TPD52: variants seen among roughly 807,000 people sequenced by gnomAD.
TPD52 encodes tumor protein D52, also known as prostate and colon associated protein.
A neutral mutation model predicts 31.3 loss-of-function variants in TPD52; 17 were observed. The observed-to-expected ratio is 0.54, with a 90% CI of 0.37 to 0.82. The LOEUF (loss-of-function observed/expected upper bound fraction) is 0.82, where lower values mean the gene tolerates loss of function less well. Among genes scored for constraint, TPD52 ranks in the 40% least tolerant of loss-of-function variants. TPD52 has a pLI of 0.00. For missense variants in TPD52, 212 were observed against 240.1 expected (o/e 0.88, Z 0.77); for synonymous variants, 83 against 89.6 (o/e 0.93, Z 0.42).
intron 1 of TPD52, among the ~76,000 whole-genome samples, chr8:80,081,167 T>C (rs1233826044): frequency 6.7e-6 from 1 of 149,222 alleles, no homozygotes; most frequent in Non-Finnish European, 1.5e-5. Flanking sequence ...TTTTTTTTTT[T>C]TTTTTTTTTT....
At chr8:80,171,020 C>T in intron 1 of TPD52, 1 of 452,980 alleles carries the variant, frequency 2.2e-6, no homozygotes, top group Non-Finnish European at 4.1e-6. Context: ...GGGTTTCCCA[C>T]CTGGAGGGAC....
intron 1 of TPD52, among the ~76,000 whole-genome samples, chr8:80,131,758 CT>C (rs1239785082): frequency 6.6e-6 from 1 of 152,192 alleles, no homozygotes; most frequent in African/African-American, 2.4e-5. Context: ...CCACACACCC[CT>C]TTACAGGTGC....
intron 1 of TPD52, among the ~76,000 whole-genome samples, chr8:80,124,916 C>T (rs1808499393): frequency 6.6e-6 from 1 of 152,172 alleles, no homozygotes; most frequent in African/African-American, 2.4e-5. Context: ...CCCATATATG[C>T]ACAACCTCCC....
rs1260889588 is a variant in TPD52 at position 80,042,743 on chromosome 8, G to T, written c.456-75C>A. Reference sequence around the variant, plus strand: ...ATCCAACTAGTTTGAAAATATAATTGATTCCTCTTCAACATTATTCTCAAT... The same window carrying T: ...ATCCAACTAGTTTGAAAATATAATTTATTCCTCTTCAACATTATTCTCAAT... On this transcript the variant is annotated intron_variant, in intron 6 of 7. Coordinates refer to ENST00000518937, the MANE Select transcript of TPD52 (RefSeq NM_001025253.3). 2.2e-6 allele frequency: 3 copies of T among 1,346,020 alleles called. No individual in the cohort carries two copies. The Admixed American group carries it at 5.4e-5, about 24-fold the overall frequency. The allele number at this position is 1,346,020 out of a possible 1,614,324, so 83.4% of individuals were successfully genotyped here.
chr8:80,083,204 A>C (rs142283427), intron 1 of TPD52, among the ~76,000 whole-genome samples: 2 of 148,484 alleles, frequency 1.3e-5, no homozygotes, highest in South Asian at 2.2e-4. Flanking sequence ...AAAAAAAAAA[A>C]CAGGATTTAT....
At chr8:80,069,507 C>A (rs1813531547) in intron 1 of TPD52, among the ~76,000 whole-genome samples, 1 of 148,952 alleles carries the variant, frequency 6.7e-6, no homozygotes, top group Admixed American at 6.7e-5. Context: ...TTTTAGGGGG[C>A]TGGGCATGGT....
chr8:80,079,763 A>C (rs1453841639), intron 1 of TPD52, among the ~76,000 whole-genome samples: 1 of 152,070 alleles, frequency 6.6e-6, no homozygotes, highest in Non-Finnish European at 1.5e-5. Context: ...AAGCAATCTC[A>C]TACTGGTAAG....
intron 2 of TPD52, among the ~76,000 whole-genome samples, chr8:80,056,890 T>G (rs779551180): frequency 1.8e-4 from 28 of 152,154 alleles, no homozygotes; most frequent in Non-Finnish European, 3.8e-4. Context: ...ACATCCAGGC[T>G]GGGTGCAATG....
intron 2 of TPD52, among the ~76,000 whole-genome samples, chr8:80,057,488 C>T (rs1563578983): frequency 6.6e-6 from 1 of 152,202 alleles, no homozygotes; most frequent in African/African-American, 2.4e-5. Flanking sequence ...TATGCAGCCC[C>T]TAAAAAGTAC....
At chr8:80,032,627 T>C (rs1343857131), downstream of TPD52, 1 of 152,238 alleles carries the variant, frequency 6.6e-6, no homozygotes, top group Admixed American at 6.5e-5. Context: ...TTTGGTCTTA[T>C]CTATAAAATG....
chr8:80,080,457 A>T, intron 1 of TPD52: 1 of 1,613,794 alleles, frequency 6.2e-7, no homozygotes, highest in Non-Finnish European at 8.5e-7. Context: ...AATCCATTCC[A>T]GACAAACGCA....
intron 7 of TPD52, among the ~76,000 whole-genome samples, chr8:80,041,324 C>CTA (rs1216101838): frequency 6.6e-6 from 1 of 152,146 alleles, no homozygotes; most frequent in Non-Finnish European, 1.5e-5. Flanking sequence ...ATCCAGATCA[C>CTA]TGTAGAGTGT....
chr8:80,169,245 T>G (rs1811919206), intron 1 of TPD52, among the ~76,000 whole-genome samples: 1 of 152,160 alleles, frequency 6.6e-6, no homozygotes, highest in Non-Finnish European at 1.5e-5. Context: ...CTTCCCAAAG[T>G]GCTGGGATTA....
chr8:80,059,133 T>C (rs1366890763), intron 2 of TPD52, among the ~76,000 whole-genome samples: 2 of 151,790 alleles, frequency 1.3e-5, no homozygotes, highest in Non-Finnish European at 2.9e-5. Context: ...ACCATGAAAC[T>C]GGAAATCAAA....
intron 1 of TPD52, among the ~76,000 whole-genome samples, chr8:80,137,228 T>C (rs1033035135): frequency 5.3e-5 from 8 of 152,180 alleles, no homozygotes; most frequent in Admixed American, 3.3e-4. Flanking sequence ...TGGCTGTAAA[T>C]AGACACAGGG....
intron 1 of TPD52, among the ~76,000 whole-genome samples, chr8:80,117,815 C>T (rs1807976386): frequency 6.7e-6 from 1 of 150,122 alleles, no homozygotes; most frequent in African/African-American, 2.5e-5. Context: ...TCACTGCAAC[C>T]TCCACCTCCC....
intron 1 of TPD52, among the ~76,000 whole-genome samples, chr8:80,118,354 C>A (rs1005454746): frequency 2.6e-5 from 4 of 152,154 alleles, no homozygotes; most frequent in Non-Finnish European, 4.4e-5. Flanking sequence ...GAGGAAAACA[C>A]AGATATAACT....
chr8:80,043,610 A>G (rs1021711626), intron 6 of TPD52, among the ~76,000 whole-genome samples: 5 of 152,184 alleles, frequency 3.3e-5, no homozygotes, highest in African/African-American at 1.2e-4. Context: ...GGTGGGGCCC[A>G]GCAAGCAGCG....
chr8:80,051,149 C>CA lies in TPD52; in HGVS notation c.386+377dup, dbSNP rs1400428741. 13 of 231,134 alleles carry CA rather than the reference C, an allele frequency of 5.6e-5. No homozygotes were observed. The Admixed American group carries it at 6.2e-4, about 11-fold the overall frequency. The allele number at this position is 231,134 out of a possible 1,614,324, so 14.3% of individuals were successfully genotyped here. ...AAATGTCACATATAGAACGTGAAGC[C>CA]AAATCTGAATCGAAGCGTGCACTTC... is the stretch of plus-strand genomic sequence containing the variant. On this transcript the variant is annotated intron_variant, in intron 4 of 7. Transcript: ENST00000518937.
Sources: gnomAD v4.1 joint callset for allele counts (sites outside exome capture counted in the v4.1 genomes callset) on GRCh38, gnomAD v4.1.1 for gene constraint, MANE v1.5 for transcripts, NCBI Gene and HGNC (gene_info 2026-07-23, HGNC 2026-07-21) for gene names.